The following SLC24A5 variants were observed in gnomAD, a reference collection of about 807,000 sequenced individuals.
The protein encoded by SLC24A5 is solute carrier family 24 member 5, also known as sodium/potassium/calcium exchanger 5.
Under a neutral mutation model 51.6 loss-of-function variants are expected in SLC24A5, and 46 were observed. The observed-to-expected ratio is 0.89, with a 90% CI of 0.70 to 1.14. The LOEUF is 1.14. Among genes scored for constraint, SLC24A5 ranks in the 50% most tolerant of loss-of-function variants. The pLI, the probability that SLC24A5 is intolerant of heterozygous loss-of-function variation, is 0.00. For synonymous variants in SLC24A5, 230 were observed against 214.9 expected (o/e 1.07, Z -0.62); for missense variants, 581 against 604.1 (o/e 0.96, Z 0.40).
Position 48,134,542 on chromosome 15 carries a change from T to C in SLC24A5, c.489+4T>C, listed in dbSNP as rs779048947. On this transcript the variant is annotated splice_donor_region_variant and intron_variant, in intron 4 of 8. Transcript: ENST00000341459. ...CTGTGGTTTGCTATCTAATACGGTA[T>C]GTAACAAAACCATTCAACAAAATGT... is the stretch of plus-strand genomic sequence containing the variant. 2.4e-5 allele frequency: 38 copies of C among 1,604,194 alleles called. No individual in the cohort carries two copies. The South Asian group carries it at 4.1e-4, about 17-fold the overall frequency.
In SLC24A5 at chr15:48,142,052, A is replaced by C; in HGVS notation, c.1204A>C (p.Asn402His). The C allele has an allele frequency of 6.2e-7, 1 of 1,613,026 alleles. No homozygotes were observed. Among genetic ancestry groups the C allele is most frequent in the African/African-American group, 1.3e-5 (1 of 75,018 alleles). Residue 402 changes from asparagine to histidine, a missense_variant, in exon 9 of 9, where the codon AAC becomes CAC. Asn to His is a moderately conservative substitution (Grantham distance 68). Transcript: ENST00000341459. ...RKGKGDMAMSNIVGSNVFDML... is the reference protein window; with the variant it reads ...RKGKGDMAMSHIVGSNVFDML... ...AGGGAAAGGAGATATGGCTATGTCT[A>C]ACATCGTGGGATCCAATGTGTTTGA... is the stretch of plus-strand genomic sequence containing the variant.
In SLC24A5 at chr15:48,122,242, G is replaced by C. The variant is rs182704984; in HGVS notation, c.301+206G>C. The C allele has an allele frequency of 4.8e-5, 29 of 603,212 alleles. No homozygotes were observed. The Admixed American group carries it at 8.5e-4, about 18-fold the overall frequency. The allele number at this position is 603,212 out of a possible 1,614,324, so 37.4% of individuals were successfully genotyped here. ...TGTGAATCAGAGTTTCTTCAAGTTA[G>C]AACCCGGCAGTTATTATTTTTCTGC... On this transcript the variant is annotated intron_variant, in intron 2 of 8. Transcript: ENST00000341459.
Position 48,136,686 on chromosome 15 carries a change from T to A in SLC24A5, c.594T>A (p.Tyr198Ter), listed in dbSNP as rs199825911. 1.3e-5 allele frequency: 21 copies of A among 1,600,134 alleles called. No individual in the cohort carries two copies. Among genetic ancestry groups the A allele is most frequent in the Non-Finnish European group, 1.5e-5 (18 of 1,172,686 alleles). The change falls in exon 6 of 9, where the codon TAT becomes TAA. Residue 198 changes from tyrosine (Y) to a stop codon, truncating the protein, a stop_gained. Coordinates refer to ENST00000341459, the MANE Select transcript of SLC24A5 (RefSeq NM_205850.3). LOFTEE classifies it high-confidence loss of function. ...GIIYDNQVYW[Y>*]EGALLLLIYG... The stretch of plus-strand genomic sequence containing the variant: ...AACACAAATTTCTCTTTTGTAGGTA[T>A]GAAGGGGCTTTACTGCTTTTGATAT...
chr15:48,121,258 A>C, intron 1 of SLC24A5, 93 bp downstream of exon 1: 7 of 1,346,812 alleles, frequency 5.2e-6, no homozygotes, highest in South Asian at 1.5e-5. Flanking sequence ...GAAAATTCTC[A>C]ATGGGCTCAC....
chr15:48,140,296 ACCAATT>A (rs1290473789), intron 7 of SLC24A5: 1 of 152,212 alleles, frequency 6.6e-6, no homozygotes, highest in East Asian at 1.9e-4. Context: ...GAAATTAACA[ACCAATT>A]CCAATTCCAA....
intron 2 of SLC24A5, chr15:48,123,272 C>A (rs1233294670): frequency 6.6e-6 from 1 of 151,490 alleles, no homozygotes; most frequent in Non-Finnish European, 1.5e-5. Context: ...TTGATATTTT[C>A]TTTAATAAAG....
At chr15:48,141,353 T>G (rs1031991005) in intron 8 of SLC24A5, 139 bp downstream of exon 8, 5 of 580,818 alleles carry the variant, frequency 8.6e-6, no homozygotes, top group Non-Finnish European at 1.5e-5. Context: ...CCGAGGCGGG[T>G]GGATCACGAG....
In SLC24A5 at chr15:48,138,977, A is replaced by C. The variant is rs187525777; in HGVS notation, c.880A>C (p.Ser294Arg). The stretch of plus-strand genomic sequence containing the variant: ...TACTTTTTCCACAACAGATCCACCA[A>C]GTGTTTTCAACATGCCTGAAGCAGA... ...GLSQVSEDPP[S>R]VFNMPEADLK... Residue 294 changes from serine (S) to arginine (R), a missense_variant, in exon 7 of 9, where the codon AGT becomes CGT. Transcript: ENST00000341459. The C allele has an allele frequency of 1.9e-6, 3 of 1,611,654 alleles. No homozygotes were observed. In the East Asian group the frequency reaches 6.7e-5, roughly 36 times the overall value.
intron 2 of SLC24A5, among the ~76,000 whole-genome samples, chr15:48,128,046 T>C (rs2038750125): frequency 6.6e-6 from 1 of 151,680 alleles, no homozygotes; most frequent in Admixed American, 6.6e-5. Flanking sequence ...ATAGGACCAG[T>C]ATGTCTAATC....
At chr15:48,126,898 A>C (rs1022594554) in intron 2 of SLC24A5, among the ~76,000 whole-genome samples, 1 of 152,098 alleles carries the variant, frequency 6.6e-6, no homozygotes, top group African/African-American at 2.4e-5. Flanking sequence ...GGCTTTTTCC[A>C]ATTTTTTTCT....
At chr15:48,138,851 A>C (rs1179506315) in intron 6 of SLC24A5, 118 bp from the exon 7 acceptor site, 1 of 747,034 alleles carries the variant, frequency 1.3e-6, no homozygotes, top group Non-Finnish European at 2.2e-6. Context: ...CAAATGTTTT[A>C]AACAGCCTTT....
intron 2 of SLC24A5, among the ~76,000 whole-genome samples, chr15:48,126,911 C>A (rs191525971): frequency 4.1e-4 from 63 of 152,262 alleles, no homozygotes; most frequent in African/African-American, 6.0e-4. Context: ...TTTTTTCTCT[C>A]TATATATTGA....
intron 2 of SLC24A5, among the ~76,000 whole-genome samples, chr15:48,132,574 A>T (rs2038801583): frequency 6.6e-6 from 1 of 152,136 alleles, no homozygotes; most frequent in Non-Finnish European, 1.5e-5. Context: ...CTAGTGGCTA[A>T]AAACAACAAT....
intron 6 of SLC24A5, chr15:48,137,218 C>A: frequency 7.7e-6 from 3 of 389,982 alleles, no homozygotes; most frequent in Non-Finnish European, 1.4e-5. Context: ...GGACAGATTG[C>A]CAAAATGTGG....
intron 6 of SLC24A5, 74 bp downstream of exon 6, chr15:48,137,037 A>C: frequency 6.9e-7 from 1 of 1,454,672 alleles, no homozygotes; most frequent in South Asian, 1.4e-5. Flanking sequence ...TCAATTCAGC[A>C]AGTATTGTGT....
intron 1 of SLC24A5, 66 bp downstream of exon 1, chr15:48,121,231 TG>T: frequency 1.3e-6 from 2 of 1,504,882 alleles, no homozygotes; most frequent in Non-Finnish European, 1.8e-6. Flanking sequence ...CACATACAGA[TG>T]AAGGGACAAA....
At chr15:48,138,455 G>A (rs1051630580) in intron 6 of SLC24A5, 6 of 151,886 alleles carry the variant, frequency 4.0e-5, no homozygotes, top group African/African-American at 1.5e-4. Flanking sequence ...TAATGAAATA[G>A]GACAAAAAAA....
Position 48,134,246 on chromosome 15 carries a change from A to G in SLC24A5, c.302-12A>G, listed in dbSNP as rs768121323. 1.2e-6 allele frequency: 2 copies of G among 1,611,968 alleles called. No homozygotes were observed. Among genetic ancestry groups the G allele is most frequent in the African/African-American group, 1.3e-5 (1 of 74,724 alleles). ...CTTTATTAGGCATAACAATCATTTC[A>G]TTTATGTTCAGCCCTTGGATTGTCT... is the stretch of plus-strand genomic sequence containing the variant. On this transcript the variant is annotated splice_polypyrimidine_tract_variant and intron_variant, in intron 2 of 8. Coordinates refer to ENST00000341459, the MANE Select transcript of SLC24A5 (RefSeq NM_205850.3).
rs1025546153 is a variant in SLC24A5, at chr15:48,134,352, C to T, written c.385+11C>T. The T allele has an allele frequency of 6.2e-7, 1 of 1,612,784 alleles. No individual in the cohort carries two copies. The highest frequency in any genetic ancestry group is 8.5e-7 in the Non-Finnish European group (1 of 1,179,070). ...TTACTGCTTTCCTAGGTAAATATTG[C>T]TCCTTATACTTCTTGCTTACTCAGT... On this transcript the variant is annotated intron_variant, in intron 3 of 8. Transcript: ENST00000341459.
Sources: allele counts gnomAD v4.1 joint callset (sites outside exome capture counted in the v4.1 genomes callset), GRCh38; gene constraint gnomAD v4.1.1; transcripts MANE v1.5; gene names NCBI Gene and HGNC (gene_info 2026-07-23, HGNC 2026-07-21).